KPNA1: variants seen among roughly 807,000 people sequenced by gnomAD.
The protein encoded by KPNA1 is importin subunit alpha-5.
In KPNA1, 10 loss-of-function variants were observed where a neutral mutation model predicts 70.5. The ratio of observed to expected loss-of-function variants is 0.14; its 90% CI spans 0.09 to 0.24. The LOEUF is 0.24. Among genes scored for constraint, KPNA1 ranks in the 10% least tolerant of loss-of-function variants. The pLI is 1.00. For missense variants in KPNA1, 397 were observed against 637.9 expected (o/e 0.62, Z 4.07); for synonymous variants, 192 against 221.9 (o/e 0.87, Z 1.20).
chr3:122,479,490 T>G (rs2076545764), intron 2 of KPNA1, among the ~76,000 whole-genome samples: 1 of 152,200 alleles, frequency 6.6e-6, no homozygotes, highest in Admixed American at 6.5e-5. Context: ...CCAGGCACAG[T>G]GGCTCATGCC....
chr3:122,442,651 A>T (rs1272277357), intron 9 of KPNA1: 1 of 152,536 alleles, frequency 6.6e-6, no homozygotes, highest in Non-Finnish European at 1.5e-5. Context: ...ACAAAGCCAT[A>T]TATATATATT....
intron 2 of KPNA1, among the ~76,000 whole-genome samples, chr3:122,486,366 G>C (rs1051278283): frequency 3.1e-4 from 47 of 152,232 alleles, no homozygotes; most frequent in Non-Finnish European, 5.6e-4. Context: ...AAACTAGAAA[G>C]AAAAAGAATA....
intron 9 of KPNA1, among the ~76,000 whole-genome samples, chr3:122,443,901 A>C (rs1336444104): frequency 6.6e-6 from 1 of 152,216 alleles, no homozygotes; most frequent in African/African-American, 2.4e-5. Flanking sequence ...ACTGATAAAC[A>C]TCTTAACAAG....
intron 2 of KPNA1, among the ~76,000 whole-genome samples, chr3:122,470,233 C>T (rs374214626): frequency 2.6e-5 from 4 of 152,202 alleles, no homozygotes; most frequent in African/African-American, 7.2e-5. Flanking sequence ...AATAAGTAGG[C>T]GGGGCACGGT....
intron 2 of KPNA1, among the ~76,000 whole-genome samples, chr3:122,474,716 A>T (rs908566281): frequency 8.5e-5 from 13 of 152,190 alleles, no homozygotes; most frequent in Non-Finnish European, 1.8e-4. Flanking sequence ...AACATACGCA[A>T]ATCTATGAAT....
chr3:122,438,024 A>T (rs1452069437), intron 10 of KPNA1, among the ~76,000 whole-genome samples: 1 of 152,192 alleles, frequency 6.6e-6, no homozygotes, highest in Non-Finnish European at 1.5e-5. Context: ...TTTCAATATC[A>T]TTTCTTAACC....
At chr3:122,476,871 A>AAAAAAAAAAAAAAAC in intron 2 of KPNA1, among the ~76,000 whole-genome samples, 1 of 150,094 alleles carries the variant, frequency 6.7e-6, no homozygotes, top group Non-Finnish European at 1.5e-5. Flanking sequence ...CAAAAAAAAA[A>AAAAAAAAAAAAAAAC]AAAAAAAAAA....
chr3:122,467,788 C>T (rs974979804), intron 2 of KPNA1, among the ~76,000 whole-genome samples: 1 of 151,978 alleles, frequency 6.6e-6, no homozygotes, highest in African/African-American at 2.4e-5. Context: ...TAACAATGTA[C>T]CAAGGAAAAT....
chr3:122,463,969 G>C lies in KPNA1; in HGVS notation c.310C>G (p.Gln104Glu), dbSNP rs1409319585. 6.2e-7 allele frequency: 1 copy of C among 1,603,896 alleles called. No homozygotes were observed. The highest frequency in any genetic ancestry group is 2.2e-5 in the East Asian group (1 of 44,716). The change falls in exon 4 of 14, where the codon CAG (glutamine) becomes GAG (glutamate). Residue 104 changes from glutamine (Q) to glutamate (E), a missense_variant. Gln to Glu is a conservative substitution (Grantham distance 29). Transcript: ENST00000344337. ...TTTGAAAGCAGCTTCCTGAATTTCTGTGTTGCTGAAAGCTGTTGCTCTGGG... is the reference window on the plus strand; with the variant it reads ...TTTGAAAGCAGCTTCCTGAATTTCTCTGTTGCTGAAAGCTGTTGCTCTGGG... ...KSPEQQLSAT[Q>E]KFRKLLSKEP...
At chr3:122,474,201 G>C (rs181662922) in intron 2 of KPNA1, among the ~76,000 whole-genome samples, 1 of 151,982 alleles carries the variant, frequency 6.6e-6, no homozygotes, top group East Asian at 1.9e-4. Flanking sequence ...ACAAATCAAA[G>C]ACCTAAATAA....
intron 6 of KPNA1, among the ~76,000 whole-genome samples, chr3:122,452,524 GGGAA>G (rs2076213980): frequency 2.3e-5 from 1 of 44,382 alleles, no homozygotes; most frequent in Non-Finnish European, 5.1e-5. Flanking sequence ...GAGGGAAGGA[GGGAA>G]GGAGGGAAGG....
intron 3 of KPNA1, 40 bp from the exon 4 acceptor site, chr3:122,464,081 C>A (rs565291603): frequency 1.9e-6 from 2 of 1,075,984 alleles, no homozygotes; most frequent in African/African-American, 1.6e-5. Flanking sequence ...TAAATTATCA[C>A]CCTTAATTCA....
intron 8 of KPNA1, 44 bp downstream of exon 8, chr3:122,451,490 T>TA (rs1560027632): frequency 9.2e-7 from 1 of 1,089,980 alleles, no homozygotes; most frequent in Non-Finnish European, 1.4e-6. Context: ...AATACTCTTT[T>TA]AATTGTATTT....
intron 2 of KPNA1, among the ~76,000 whole-genome samples, chr3:122,482,101 C>A (rs1264612417): frequency 1.3e-5 from 2 of 152,258 alleles, no homozygotes; most frequent in African/African-American, 2.4e-5. Flanking sequence ...ACTTCATCAT[C>A]ATGTGAACAT....
At chr3:122,473,374 A>G (rs1324013867) in intron 2 of KPNA1, among the ~76,000 whole-genome samples, 1 of 152,250 alleles carries the variant, frequency 6.6e-6, no homozygotes, top group African/African-American at 2.4e-5. Flanking sequence ...TAACTCATTC[A>G]GTAGAGGCCA....
intron 2 of KPNA1, among the ~76,000 whole-genome samples, chr3:122,472,701 A>ATTTG (rs2076455899): frequency 6.6e-6 from 1 of 152,192 alleles, no homozygotes; most frequent in Non-Finnish European, 1.5e-5. Flanking sequence ...AGACTAACAA[A>ATTTG]AAGACAGAGG....
At chr3:122,509,493 A>T (rs2076932611) in intron 1 of KPNA1, among the ~76,000 whole-genome samples, 1 of 152,214 alleles carries the variant, frequency 6.6e-6, no homozygotes, top group African/African-American at 2.4e-5. Context: ...AATGAAAAGT[A>T]AAATGTGGTA....
At chr3:122,444,216 T>G (rs983382349) in intron 9 of KPNA1, among the ~76,000 whole-genome samples, 4 of 152,246 alleles carry the variant, frequency 2.6e-5, no homozygotes, top group African/African-American at 9.6e-5. Context: ...ACCTTATGGT[T>G]ATCTCCCTTG....
intron 2 of KPNA1, among the ~76,000 whole-genome samples, chr3:122,475,117 C>G (rs983742779): frequency 1.3e-5 from 2 of 152,034 alleles, no homozygotes; most frequent in East Asian, 3.9e-4. Context: ...CTGAAGACTC[C>G]GCCAATAAAC....
Sources: allele counts gnomAD v4.1 joint callset (sites outside exome capture counted in the v4.1 genomes callset), GRCh38; gene constraint gnomAD v4.1.1; transcripts MANE v1.5; gene names NCBI Gene and HGNC (gene_info 2026-07-23, HGNC 2026-07-21).